RIF1: variants seen among roughly 807,000 people sequenced by gnomAD.
The protein encoded by RIF1 is telomere-associated protein RIF1.
Under a neutral mutation model 247.1 loss-of-function variants are expected in RIF1, and 45 were observed. The observed-to-expected ratio is 0.18, with a 90% CI of 0.14 to 0.23. The LOEUF is 0.23. RIF1 is among the 10% of genes least tolerant of loss of function. The pLI is 1.00. For missense variants in RIF1, 2,967 were observed against 2,862.5 expected, an observed-to-expected ratio of 1.04 and a Z score of -0.83; for synonymous variants, 1,087 against 978.8, an observed-to-expected ratio of 1.11 and a Z score of -2.06.
the RIF1 span, chr2:151,518,350 G>A: frequency 6.2e-7 from 1 of 1,611,312 alleles, no homozygotes; most frequent in Non-Finnish European, 8.5e-7. Context: ...TCTTTTAGGT[G>A]AAGCTGCTCC....
At position 151,473,380 on chromosome 2, in the gene RIF1, G is replaced by A. The variant is rs541362338; in HGVS notation, c.7096-584G>A. Among the ~76,000 whole-genome samples, 11 of 147,478 alleles carry A rather than the reference G, an allele frequency of 7.5e-5. No homozygotes were observed. In the South Asian group the frequency reaches 2.3e-3, roughly 31 times the overall value. ...GGCATGATCTCGGCCCACTGCAGCTGCACCTCCTGGACTCAAGCAGTTCTC... is the reference window on the plus strand; with the variant it reads ...GGCATGATCTCGGCCCACTGCAGCTACACCTCCTGGACTCAAGCAGTTCTC... On this transcript the variant is annotated intron_variant, in intron 34 of 35. Coordinates refer to ENST00000444746, the MANE Select transcript of RIF1 (RefSeq NM_018151.5).
At position 151,460,114 on chromosome 2, in the gene RIF1, G is replaced by A. The variant is rs945796303; in HGVS notation, c.3070G>A (p.Ala1024Thr). 5 of 1,538,114 alleles carry A rather than the reference G, an allele frequency of 3.3e-6. No individual in the cohort carries two copies. In the South Asian group the frequency reaches 3.7e-5, roughly 11 times the overall value. Residue 1024 changes from alanine (A) to threonine (T), a missense_variant, in exon 26 of 36, where the codon GCC (alanine) becomes ACC (threonine). By Grantham distance (58) the Ala-to-Thr change is moderately conservative. This residue lies in a region of RIF1 where 2,028 missense variants were observed against 1,825.6 expected (regional missense o/e 1.11). Coordinates refer to ENST00000444746, the MANE Select transcript of RIF1 (RefSeq NM_018151.5). ...KNKKENMKPA[A>T]KLKLESSSLK... Reference sequence around the variant, plus strand: ...TAAAAAAGAAAATATGAAACCAGCAGCCAAAGTATGTTTTCAAAAGTTTAA... The same window carrying A: ...TAAAAAAGAAAATATGAAACCAGCAACCAAAGTATGTTTTCAAAAGTTTAA...
the RIF1 span, chr2:151,524,458 CTGGCATGCCTTGGCAATGGCTGT>C: frequency 6.2e-7 from 1 of 1,613,214 alleles, no homozygotes; most frequent in South Asian, 1.1e-5. Context: ...TGATGGTTGC[CTGGCATGCCTTGGCAATGGCTGT>C]TGGGGACTGG....
At chr2:151,445,215 C>A (rs1048788466) in intron 18 of RIF1, 123 bp from the exon 19 acceptor site, 19 of 672,360 alleles carry the variant, frequency 2.8e-5, no homozygotes, top group African/African-American at 2.3e-4. Flanking sequence ...AAGAGTTAAA[C>A]TTATTTTGAA....
chr2:151,529,201 G>A, the RIF1 span: 4 of 1,590,448 alleles, frequency 2.5e-6, no homozygotes, highest in Non-Finnish European at 3.5e-6. Flanking sequence ...GGAAGTTTCT[G>A]GAACTTACAT....
At chr2:151,524,555 T>G in the RIF1 span, 9 of 1,613,710 alleles carry the variant, frequency 5.6e-6, no homozygotes, top group Non-Finnish European at 7.6e-6. Flanking sequence ...CTTCTTGATG[T>G]CTGGTCGATC....
chr2:151,446,520 G>T lies in RIF1; in HGVS notation c.2189G>T (p.Cys730Phe). The T allele has an allele frequency of 1.2e-6, 2 of 1,613,708 alleles. No individual in the cohort carries two copies. Among genetic ancestry groups the T allele is most frequent in the Non-Finnish European group, 1.7e-6 (2 of 1,179,954 alleles). Residue 730 changes from cysteine (C) to phenylalanine (F), a missense_variant, in exon 20 of 36, where the codon TGC becomes TTC. Coordinates refer to ENST00000444746, the MANE Select transcript of RIF1 (RefSeq NM_018151.5). ...GTGGCAACAGCAGAAGAGAACTTGT[G>T]CTGTGAGGAACTTTCTTCCAAGATA... Reference protein sequence around the residue: ...ALVATAEENLCCEELSSKIMS... With the variant: ...ALVATAEENLFCEELSSKIMS...
At position 151,476,412 on chromosome 2, in the gene RIF1, A is replaced by G. The variant is rs899338712; in HGVS notation, c.*1341A>G. On this transcript the variant is annotated 3_prime_UTR_variant, in exon 36 of 36. Coordinates refer to ENST00000444746, the MANE Select transcript of RIF1 (RefSeq NM_018151.5). Reference sequence around the variant, plus strand: ...TTGTTTCATCTTTTTAACTGACAGTATATCTCACTTCTTCTTTGAATAGAA... The same window carrying G: ...TTGTTTCATCTTTTTAACTGACAGTGTATCTCACTTCTTCTTTGAATAGAA... The G allele has an allele frequency of 7.9e-5, 12 of 152,176 alleles. No individual in the cohort carries two copies. The highest frequency in any genetic ancestry group is 2.2e-4 in the African/African-American group (9 of 41,460). 9.4% of individuals were successfully genotyped at this position (152,176 alleles called of 1,614,324 possible).
At position 151,437,364 on chromosome 2, in the gene RIF1, GATTT is replaced by G. The variant is rs766530854; in HGVS notation, c.1483+17_1483+20del. The G allele has an allele frequency of 1.3e-6, 2 of 1,579,688 alleles. No homozygotes were observed. Among genetic ancestry groups the G allele is most frequent in the African/African-American group, 2.7e-5 (2 of 74,086 alleles). ...AAAGATGCCCCCGGTAAGAGAATTT[GATTT>G]ATTATTTGCTCAAATGTGTGTTTAA... is the stretch of plus-strand genomic sequence containing the variant. On this transcript the variant is annotated intron_variant, in intron 13 of 35. Transcript: ENST00000444746.
rs113525641 is a variant in RIF1 at position 151,490,371 on chromosome 2, C to T, written c.*416-4858C>T. The stretch of plus-strand genomic sequence containing the variant: ...CCAAAATCAGCGCCAGGCACTTGTA[C>T]CTGTTGAGACTGCAAAGACACCCCC... On this transcript the variant is annotated intron_variant and NMD_transcript_variant, in intron 9 of 13. Coordinates refer to the RIF1 transcript ENST00000454583. The T allele has an allele frequency of 6.3e-7, 1 of 1,587,496 alleles. No individual in the cohort carries two copies. The highest frequency in any genetic ancestry group is 8.6e-7 in the Non-Finnish European group (1 of 1,165,780).
chr2:151,514,817 C>T, the RIF1 span: 7 of 1,559,586 alleles, frequency 4.5e-6, no homozygotes, highest in Non-Finnish European at 6.1e-6. Context: ...GTGGGCACTA[C>T]CTCGCTTGCT....
At chr2:151,458,986 C>T in intron 25 of RIF1, 76 bp downstream of exon 25, 1 of 815,324 alleles carries the variant, frequency 1.2e-6, no homozygotes, top group South Asian at 1.9e-5. Context: ...ATAAGTAGAA[C>T]CTGAACAGAA....
chr2:151,466,223 CCACT>C, intron 30 of RIF1, 103 bp downstream of exon 30: 2 of 668,446 alleles, frequency 3.0e-6, no homozygotes. Flanking sequence ...AATTATATGG[CCACT>C]CATTTGATTA....
chr2:151,502,927 G>A (rs762332636), intron 11 of RIF1: 4 of 1,225,932 alleles, frequency 3.3e-6, no homozygotes, highest in Non-Finnish European at 4.7e-6. Context: ...TTTAAAACAG[G>A]CACAGAGAGT....
intron 6 of RIF1, among the ~76,000 whole-genome samples, chr2:151,419,319 TTTG>T (rs1687770646): frequency 6.6e-6 from 1 of 152,110 alleles, no homozygotes; most frequent in Non-Finnish European, 1.5e-5. Context: ...TCATTTATTT[TTTG>T]TTTTTTTATT....
chr2:151,439,475 A>G (rs1691846096), intron 14 of RIF1, among the ~76,000 whole-genome samples: 1 of 150,928 alleles, frequency 6.6e-6, no homozygotes, highest in African/African-American at 2.4e-5. Flanking sequence ...GACCCGTCTG[A>G]CCAACATGGA....
chr2:151,491,727 G>A, intron 9 of RIF1: 2 of 1,598,606 alleles, frequency 1.3e-6, no homozygotes, highest in South Asian at 2.3e-5. Flanking sequence ...GTCTTCTGCT[G>A]GATCATAGTC....
At chr2:151,515,317 G>A in the RIF1 span, among the ~76,000 whole-genome samples, 2 of 152,132 alleles carry the variant, frequency 1.3e-5, no homozygotes, top group African/African-American at 4.8e-5. Flanking sequence ...GAGGCAAGGG[G>A]AAAAAAATCG....
In RIF1 at chr2:151,468,493, A is replaced by G. The variant is rs765551800; in HGVS notation, c.6767A>G (p.Lys2256Arg). Residue 2256 changes from lysine to arginine, a missense_variant, in exon 32 of 36, where the codon AAA (lysine) becomes AGA (arginine). Around this residue, in one of 7 missense-constraint regions of RIF1, gnomAD observed 2,028 missense variants for 1,825.6 expected, o/e 1.11. Transcript: ENST00000444746. ...ATCTAGCATAATACCACTTCAGCCAAAGGATTTCTGTCCCCAGGATCACGT... is the reference window on the plus strand; with the variant it reads ...ATCTAGCATAATACCACTTCAGCCAGAGGATTTCTGTCCCCAGGATCACGT... ...TQSKHNTTSA[K>R]GFLSPGSRSP... 2.8e-5 allele frequency: 45 copies of G among 1,613,304 alleles called. No homozygotes were observed. Among genetic ancestry groups the G allele is most frequent in the Admixed American group, 1.0e-4 (6 of 60,004 alleles).
Sources: gnomAD v4.1 joint callset for allele counts (sites outside exome capture counted in the v4.1 genomes callset) on GRCh38, gnomAD v4.1.1 for gene constraint, gnomAD v4.1.1 regional missense constraint, MANE v1.5 for transcripts, NCBI Gene and HGNC (gene_info 2026-07-23, HGNC 2026-07-21) for gene names.